INPP5D: variants seen among roughly 807,000 people sequenced by gnomAD.
INPP5D encodes the protein phosphatidylinositol 3,4,5-trisphosphate 5-phosphatase 1.
A neutral mutation model predicts 122.9 loss-of-function variants in INPP5D; 33 were observed. That is an observed-to-expected ratio of 0.27 (90% CI 0.20 to 0.36). INPP5D has a LOEUF of 0.36. Ranked by LOEUF, INPP5D falls within the 10% of genes least tolerant of loss-of-function variation. INPP5D has a pLI of 1.00. For missense variants in INPP5D, 1,053 were observed against 1,412.7 expected (o/e 0.75, Z 4.08); for synonymous variants, 584 against 576.2 (o/e 1.01, Z -0.19).
At chr2:233,150,062 G>T (rs147053198) in intron 9 of INPP5D, among the ~76,000 whole-genome samples, 18 of 152,256 alleles carry the variant, frequency 1.2e-4, no homozygotes, top group Middle Eastern at 3.4e-3. Flanking sequence ...GAGAAATGGG[G>T]AGTCACTGAT....
At position 233,204,705 on chromosome 2, in the gene INPP5D, G is replaced by A; in HGVS notation, c.3555G>A (p.Arg1185=). The change falls in exon 26 of 27, where the codon AGG becomes AGA. Residue 1185 remains arginine, a synonymous_variant. Coordinates refer to ENST00000445964, the MANE Select transcript of INPP5D (RefSeq NM_001017915.3). ...PEEGPPGPLG[R]TAMQ ...AGGGGCCACCAGGGCCTCTAGGCAG[G>A]ACTGCCATGCAGGTGCGCTGCGCCA... 6.5e-7 allele frequency: 1 copy of A among 1,533,190 alleles called. No individual in the cohort carries two copies. Among genetic ancestry groups the A allele is most frequent in the Non-Finnish European group, 8.7e-7 (1 of 1,143,176 alleles). 95.0% of individuals were successfully genotyped at this position (1,533,190 alleles called of 1,614,324 possible). A position where few individuals can be genotyped will look rare whatever the true frequency, so the allele number is the denominator to read the frequency against.
chr2:233,063,371 G>C (rs1691126887), intron 1 of INPP5D, among the ~76,000 whole-genome samples: 1 of 152,238 alleles, frequency 6.6e-6, no homozygotes, highest in South Asian at 2.1e-4. Context: ...CCCTCTGGTG[G>C]GCAAGGGGAC....
intron 18 of INPP5D, among the ~76,000 whole-genome samples, chr2:233,180,957 A>G (rs914875775): frequency 1.3e-5 from 2 of 152,208 alleles, no homozygotes; most frequent in African/African-American, 4.8e-5. Flanking sequence ...TACAGGCATG[A>G]GCCACCGTGC....
chr2:233,110,433 C>A (rs150032586), intron 2 of INPP5D, among the ~76,000 whole-genome samples: 1 of 151,904 alleles, frequency 6.6e-6, no homozygotes, highest in African/African-American at 2.4e-5. Flanking sequence ...CTCCTGGGCT[C>A]GAGCGATCTT....
rs188637164 is a variant in INPP5D at position 233,138,127 on chromosome 2, G to A, written c.666-1715G>A. Among the ~76,000 whole-genome samples the A allele has an allele frequency of 6.3e-3, 954 of 150,330 alleles. 14 individuals carry two copies. The highest frequency in any genetic ancestry group is 0.022 in the African/African-American group (916 of 41,060). On this transcript the variant is annotated intron_variant, in intron 5 of 26. Coordinates refer to ENST00000445964, the MANE Select transcript of INPP5D (RefSeq NM_001017915.3). Reference sequence around the variant, plus strand: ...AGCACTTTGGGAAGCTGAGGTGGGCGGATCACCTGAGGTCAGGAGTTTGAG... The same window carrying A: ...AGCACTTTGGGAAGCTGAGGTGGGCAGATCACCTGAGGTCAGGAGTTTGAG...
intron 13 of INPP5D, among the ~76,000 whole-genome samples, chr2:233,165,934 A>G (rs1039623445): frequency 2.0e-5 from 3 of 152,068 alleles, no homozygotes; most frequent in Admixed American, 6.5e-5. Context: ...GGGCGAGGCC[A>G]GTGGTTTTTG....
rs373211149 is a variant in INPP5D at position 233,147,606 on chromosome 2, C to T, written c.1030+12C>T. On this transcript the variant is annotated intron_variant, in intron 9 of 26. Transcript: ENST00000445964. ...CAGCCACAAGAAAAGTAAGACCCCTCGTGCCTATCAACCACTGCCCCTCAC... is the reference window on the plus strand; with the variant it reads ...CAGCCACAAGAAAAGTAAGACCCCTTGTGCCTATCAACCACTGCCCCTCAC... 1.2e-4 allele frequency: 87 copies of T among 703,666 alleles called. No individual in the cohort carries two copies. The highest frequency in any genetic ancestry group is 2.0e-4 in the Admixed American group (10 of 50,010). 43.6% of individuals were successfully genotyped at this position (703,666 alleles called of 1,614,324 possible).
chr2:233,162,435 T>C (rs1694221962), intron 11 of INPP5D, among the ~76,000 whole-genome samples: 1 of 151,352 alleles, frequency 6.6e-6, no homozygotes, highest in African/African-American at 2.4e-5. Context: ...TGAATTATAC[T>C]AAGTAATATT....
At position 233,164,959 on chromosome 2, in the gene INPP5D, C is replaced by T. The variant is rs899450210; in HGVS notation, c.1555+535C>T. Among the ~76,000 whole-genome samples, 2 of 152,314 alleles carry T rather than the reference C, an allele frequency of 1.3e-5. No homozygotes were observed. The highest frequency in any genetic ancestry group is 3.9e-4 in the East Asian group (2 of 5,190). On this transcript the variant is annotated intron_variant, in intron 13 of 26. Coordinates refer to ENST00000445964, the MANE Select transcript of INPP5D (RefSeq NM_001017915.3). This position sits in a 1 kb window ranked among gnomAD's most constrained non-coding sequence, Gnocchi z 4.3. Reference sequence around the variant, plus strand: ...ACAGGCGGGAGGTGGCTGGCCCCTGCCCTCGGTCCCTGTGCACCAGGTTGG... The same window carrying T: ...ACAGGCGGGAGGTGGCTGGCCCCTGTCCTCGGTCCCTGTGCACCAGGTTGG...
intron 2 of INPP5D, among the ~76,000 whole-genome samples, chr2:233,099,704 C>T (rs1261181573): frequency 6.6e-6 from 1 of 152,204 alleles, no homozygotes; most frequent in Non-Finnish European, 1.5e-5. Context: ...GAGATTTCTA[C>T]ATAATAATCT....
chr2:233,184,679 A>C (rs1481060258), intron 20 of INPP5D, among the ~76,000 whole-genome samples, 158 bp downstream of exon 20: 3 of 152,174 alleles, frequency 2.0e-5, no homozygotes, highest in Non-Finnish European at 4.4e-5. Context: ...TCAAGGGGAC[A>C]CTCAGTTATT....
intron 4 of INPP5D, 80 bp downstream of exon 4, chr2:233,125,999 A>G: frequency 7.2e-7 from 1 of 1,383,938 alleles, no homozygotes; most frequent in Admixed American, 2.3e-5. Flanking sequence ...TTGGGTTTCG[A>G]TCCTAGTTAT....
chr2:233,198,366 C>A lies in INPP5D; in HGVS notation c.2965C>A (p.Gln989Lys). Residue 989 changes from glutamine to lysine, a missense_variant, in exon 25 of 27, where the codon CAG becomes AAG. By Grantham distance (53) the Gln-to-Lys change is moderately conservative. Around this residue, in one of 6 missense-constraint regions of INPP5D, gnomAD observed 417 missense variants for 425.8 expected, o/e 0.98. Transcript: ENST00000445964. ...TANRGLPPRT[Q>K]ESRPSDLGKN... ...AAACCGGGGTCTCCCTCCCAGGACA[C>A]AGGAGTCAAGGTGAGCATCCTCTTC... is the stretch of plus-strand genomic sequence containing the variant. 6.2e-7 allele frequency: 1 copy of A among 1,611,076 alleles called. No individual in the cohort carries two copies. Among genetic ancestry groups the A allele is most frequent in the Non-Finnish European group, 8.5e-7 (1 of 1,177,668 alleles).
At chr2:233,159,244 T>C (rs1694135463) in intron 10 of INPP5D, among the ~76,000 whole-genome samples, 1 of 152,196 alleles carries the variant, frequency 6.6e-6, no homozygotes, top group Non-Finnish European at 1.5e-5. Context: ...CACAGTGGGT[T>C]CTTTGTGACC....
chr2:233,125,240 G>A (rs933725002), intron 3 of INPP5D, among the ~76,000 whole-genome samples: 48 of 152,252 alleles, frequency 3.2e-4, no homozygotes, highest in Admixed American at 2.2e-3. Context: ...AGAGAAGGAA[G>A]GACAGAGGCT....
chr2:233,152,743 C>T (rs538596561), intron 9 of INPP5D, among the ~76,000 whole-genome samples: 7 of 152,214 alleles, frequency 4.6e-5, no homozygotes, highest in African/African-American at 9.6e-5. Context: ...GACGGCTGGG[C>T]GGCCAGGACT....
At chr2:233,113,598 C>T (rs1303862425) in intron 2 of INPP5D, among the ~76,000 whole-genome samples, 1 of 152,192 alleles carries the variant, frequency 6.6e-6, no homozygotes, top group African/African-American at 2.4e-5. Context: ...CCCCCAGCCC[C>T]ACCACACTGC....
At chr2:233,173,807 C>A (rs932432146) in intron 17 of INPP5D, among the ~76,000 whole-genome samples, 2 of 152,164 alleles carry the variant, frequency 1.3e-5, no homozygotes, top group African/African-American at 4.8e-5. Flanking sequence ...GTGGTGTGCA[C>A]CTGTAATCCC....
intron 2 of INPP5D, among the ~76,000 whole-genome samples, chr2:233,111,627 A>G (rs1692632745): frequency 6.6e-6 from 1 of 152,238 alleles, no homozygotes; most frequent in Non-Finnish European, 1.5e-5. Context: ...CATAGCAGCA[A>G]TGCTGTGTCC....
Sources: allele counts gnomAD v4.1 joint callset (sites outside exome capture counted in the v4.1 genomes callset), GRCh38; gene constraint gnomAD v4.1.1; regional missense constraint gnomAD v4.1.1; non-coding constraint Gnocchi (gnomAD v3.1); transcripts MANE v1.5; gene names NCBI Gene and HGNC (gene_info 2026-07-23, HGNC 2026-07-21).